Variants in ZNF529 observed in about 807,000 individuals in gnomAD.
The protein encoded by ZNF529 is zinc finger protein 529.
In ZNF529, 11 loss-of-function variants were observed where a neutral mutation model predicts 10.1. The observed-to-expected ratio is 1.09, with a 90% CI of 0.69 to 1.81. The LOEUF is 1.81. Ranked by LOEUF, ZNF529 falls within the 40% of genes most tolerant of loss-of-function variation. ZNF529 has a pLI of 0.00. For synonymous variants in ZNF529, 204 were observed against 215.7 expected (o/e 0.95, Z 0.47); for missense variants, 624 against 666.8 (o/e 0.94, Z 0.71).
At chr19:36,581,711 C>A in intron 2 of ZNF529, 1 of 155,236 alleles carries the variant, frequency 6.4e-6, no homozygotes, top group Non-Finnish European at 1.4e-5. Flanking sequence ...TTTGTTCCCT[C>A]TTGCCATGTG....
rs397952331 is a variant in ZNF529 at position 36,572,327 on chromosome 19, A to AC, written c.14+5dup. ...ACCAGGTAAATGAACAAAAAAAAAAACTAACCTTGAGTTGGCCATTAGTAC... is the reference window on the plus strand; with the variant it reads ...ACCAGGTAAATGAACAAAAAAAAAAACCTAACCTTGAGTTGGCCATTAGTAC... On this transcript the variant is annotated splice_donor_region_variant and intron_variant, in intron 2 of 4. Transcript: ENST00000591340. The AC allele has an allele frequency of 3.9e-6, 6 of 1,550,758 alleles. No individual in the cohort carries two copies. Among genetic ancestry groups the AC allele is most frequent in the Non-Finnish European group, 2.6e-6 (3 of 1,146,778 alleles).
chr19:36,562,977 C>T, intron 2 of ZNF529, among the ~76,000 whole-genome samples: 1 of 152,192 alleles, frequency 6.6e-6, no homozygotes, highest in South Asian at 2.1e-4. Flanking sequence ...CACGTCCTTT[C>T]TGGAGGATGC....
At chr19:36,582,781 A>T (rs1417189212) in intron 2 of ZNF529, 2 of 152,114 alleles carry the variant, frequency 1.3e-5, no homozygotes, top group Non-Finnish European at 2.9e-5. Flanking sequence ...AAGAAAATGA[A>T]CAAAACAACA....
chr19:36,584,346 C>A (rs1382619857), intron 2 of ZNF529, among the ~76,000 whole-genome samples: 9 of 150,906 alleles, frequency 6.0e-5, no homozygotes, highest in Admixed American at 5.9e-4. Flanking sequence ...CCCAGAAAGA[C>A]AGAATGAGAT....
chr19:36,593,988 G>A (rs2036784335), intron 1 of ZNF529: 1 of 152,220 alleles, frequency 6.6e-6, no homozygotes, highest in East Asian at 1.9e-4. Flanking sequence ...CCAGCAGACA[G>A]ATGTAGACAC....
chr19:36,574,044 G>A (rs2912405), upstream of ZNF529, among the ~76,000 whole-genome samples: 149,067 of 152,352 alleles, frequency 0.98, 73,259 homozygotes, highest in Middle Eastern at 1. Context: ...AAAAGACTCA[G>A]ACTCTAAAGT....
chr19:36,584,567 G>C (rs1416800675), intron 2 of ZNF529, among the ~76,000 whole-genome samples: 1 of 152,100 alleles, frequency 6.6e-6, no homozygotes, highest in Non-Finnish European at 1.5e-5. Context: ...AGGAGTTGGA[G>C]ACCAGCCTGG....
chr19:36,583,344 A>G (rs969459782), intron 2 of ZNF529, among the ~76,000 whole-genome samples: 3 of 152,344 alleles, frequency 2.0e-5, no homozygotes, highest in East Asian at 3.9e-4. Context: ...GGCATGTGCC[A>G]TGACACCTGG....
chr19:36,602,251 T>C (rs2036936372), intron 1 of ZNF529, among the ~76,000 whole-genome samples: 2 of 152,074 alleles, frequency 1.3e-5, no homozygotes, highest in Non-Finnish European at 2.9e-5. Context: ...TTTTGCCATG[T>C]TGGTCAGGCT....
intron 1 of ZNF529, chr19:36,589,737 G>C (rs1000156644): frequency 5.3e-5 from 8 of 151,142 alleles, no homozygotes; most frequent in African/African-American, 1.9e-4. Context: ...TATCAGTGAA[G>C]ATATATGGAT....
intron 3 of ZNF529, 29 bp from the exon 4 acceptor site, chr19:36,554,825 T>C: frequency 1.3e-6 from 2 of 1,490,644 alleles, no homozygotes; most frequent in Non-Finnish European, 1.8e-6. Context: ...ACATTACAGG[T>C]AAAATTTAAG....
upstream of ZNF529, chr19:36,577,880 G>C (rs1259677928): frequency 1.3e-5 from 2 of 152,030 alleles, no homozygotes; most frequent in Non-Finnish European, 2.9e-5. Flanking sequence ...CAGGCCTTCA[G>C]TCTTGGTGAA....
intron 2 of ZNF529, among the ~76,000 whole-genome samples, chr19:36,571,093 TTAAC>T (rs2036088306): frequency 6.6e-6 from 1 of 152,232 alleles, no homozygotes; most frequent in South Asian, 2.1e-4. Flanking sequence ...TTAATTTTAA[TTAAC>T]TTACATTTAA....
intron 2 of ZNF529, chr19:36,581,716 C>A: frequency 6.4e-6 from 1 of 155,840 alleles, no homozygotes; most frequent in South Asian, 1.8e-4. Flanking sequence ...TCCCTCTTGC[C>A]ATGTGATATG....
At chr19:36,596,672 A>C (rs1377688076) in intron 1 of ZNF529, among the ~76,000 whole-genome samples, 2 of 151,718 alleles carry the variant, frequency 1.3e-5, no homozygotes, top group Admixed American at 1.3e-4. Flanking sequence ...GTGTGTCACC[A>C]CACCCAGGTA....
At chr19:36,592,871 G>A (rs1161972936) in intron 1 of ZNF529, among the ~76,000 whole-genome samples, 1 of 152,030 alleles carries the variant, frequency 6.6e-6, no homozygotes, top group Admixed American at 6.6e-5. Flanking sequence ...GATCACTTTA[G>A]TATATAAAAA....
chr19:36,556,229 C>T (rs1472969398), intron 2 of ZNF529, 32 bp from the exon 3 acceptor site: 1 of 820,330 alleles, frequency 1.2e-6, no homozygotes, highest in Non-Finnish European at 2.1e-6. Context: ...AAAGAACCAC[C>T]ATTAAAAGTC....
In ZNF529 at chr19:36,555,597, C is replaced by T. The variant is rs1041855020; in HGVS notation, c.108+507G>A. 4.0e-5 allele frequency among the ~76,000 whole-genome samples: 6 copies of T among 151,864 alleles called. 2 individuals are homozygous for T. The highest frequency in any genetic ancestry group is 8.8e-5 in the Non-Finnish European group (6 of 67,988). Reference sequence around the variant, plus strand: ...AGGCGTGAGCCACCGCGCCCGGCCGCGATAAAGTTTTTAGTAAGTGTTTTT... The same window carrying T: ...AGGCGTGAGCCACCGCGCCCGGCCGTGATAAAGTTTTTAGTAAGTGTTTTT... On this transcript the variant is annotated intron_variant, in intron 3 of 4. Coordinates refer to ENST00000591340, the MANE Select transcript of ZNF529 (RefSeq NM_020951.5).
At chr19:36,558,362 A>C (rs923662851) in intron 2 of ZNF529, among the ~76,000 whole-genome samples, 3 of 152,148 alleles carry the variant, frequency 2.0e-5, no homozygotes, top group Admixed American at 2.0e-4. Flanking sequence ...TAGAGATCCA[A>C]ACATAGATGC....
Sources: allele counts gnomAD v4.1 joint callset (sites outside exome capture counted in the v4.1 genomes callset), GRCh38; gene constraint gnomAD v4.1.1; transcripts MANE v1.5; gene names NCBI Gene and HGNC (gene_info 2026-07-23, HGNC 2026-07-21).